GLT1D1: variants seen among roughly 807,000 people sequenced by gnomAD.
GLT1D1 encodes glycosyltransferase 1 domain-containing protein 1.
In GLT1D1, 21 loss-of-function variants were observed where a neutral mutation model predicts 28.7. The ratio of observed to expected loss-of-function variants is 0.73; its 90% CI spans 0.52 to 1.05. GLT1D1 has a LOEUF of 1.05. Ranked by LOEUF, GLT1D1 falls within the 50% of genes least tolerant of loss-of-function variation. The pLI is 0.00. For synonymous variants in GLT1D1, 147 were observed against 124.8 expected (o/e 1.18, Z -1.19); for missense variants, 343 against 330.6 (o/e 1.04, Z -0.29).
rs574855046 is a variant in GLT1D1 at position 128,870,458 on chromosome 12, G to C, written c.69-5456G>C. Among the ~76,000 whole-genome samples the C allele has an allele frequency of 8.9e-4, 135 of 152,188 alleles. No individual in the cohort carries two copies. The Middle Eastern group carries it at 0.01, about 12-fold the overall frequency. On this transcript the variant is annotated intron_variant, in intron 1 of 7. Transcript: ENST00000281703. ...CAAAATCTCTATGGGAGATGCTTTT[G>C]TTTTCAAGAAAGCCTTTTTAAATCA...
intron 1 of GLT1D1, among the ~76,000 whole-genome samples, chr12:128,870,669 C>A (rs1056433644): frequency 6.6e-6 from 1 of 152,002 alleles, no homozygotes; most frequent in African/African-American, 2.4e-5. Flanking sequence ...TATGAGATTG[C>A]AAAGTTAGTG....
At chr12:128,965,289 A>C (rs1878340658) in intron 7 of GLT1D1, among the ~76,000 whole-genome samples, 1 of 152,158 alleles carries the variant, frequency 6.6e-6, no homozygotes, top group South Asian at 2.1e-4. Flanking sequence ...AGCCTCTAGG[A>C]GCTGGGGGCG....
chr12:128,980,125 C>G (rs1264356555), intron 7 of GLT1D1, among the ~76,000 whole-genome samples: 1 of 152,232 alleles, frequency 6.6e-6, no homozygotes, highest in Non-Finnish European at 1.5e-5. Context: ...AGATGAAGTC[C>G]TGTGTGACAC....
intron 1 of GLT1D1, among the ~76,000 whole-genome samples, chr12:128,872,244 G>A (rs892415930): frequency 1.3e-5 from 2 of 152,080 alleles, no homozygotes; most frequent in South Asian, 2.1e-4. Context: ...GCGCCTGGCC[G>A]ATTCAAGGGT....
chr12:128,934,490 G>A (rs932521494), intron 4 of GLT1D1, among the ~76,000 whole-genome samples: 3 of 152,128 alleles, frequency 2.0e-5, no homozygotes, highest in Non-Finnish European at 4.4e-5. Flanking sequence ...CACTGCGCCC[G>A]GCCAGCTCAG....
chr12:128,945,217 C>T (rs554990868), intron 4 of GLT1D1, 109 bp from the exon 9 acceptor site: 35 of 1,137,812 alleles, frequency 3.1e-5, no homozygotes, highest in East Asian at 2.1e-4. Flanking sequence ...GGCCGCAGAC[C>T]GAGGCCCACG....
At chr12:128,980,984 A>T (rs1880263526) in intron 7 of GLT1D1, among the ~76,000 whole-genome samples, 1 of 152,230 alleles carries the variant, frequency 6.6e-6, no homozygotes, top group South Asian at 2.1e-4. Context: ...TCTCACGTCT[A>T]CAGGCGCGTG....
At chr12:128,897,835 A>AT (rs776568897) in intron 3 of GLT1D1, among the ~76,000 whole-genome samples, 3 of 151,536 alleles carry the variant, frequency 2.0e-5, no homozygotes, top group Non-Finnish European at 2.9e-5. Context: ...TGCCCGGCTA[A>AT]TTTTTTGTAT....
chr12:128,954,484 G>A (rs1456085991), intron 6 of GLT1D1, among the ~76,000 whole-genome samples: 1 of 152,036 alleles, frequency 6.6e-6, no homozygotes, highest in Non-Finnish European at 1.5e-5. Flanking sequence ...TGGTTCTAAG[G>A]TCACCTGTTT....
chr12:128,930,673 T>C (rs764994401), intron 4 of GLT1D1, among the ~76,000 whole-genome samples: 21 of 152,118 alleles, frequency 1.4e-4, no homozygotes, highest in Non-Finnish European at 2.5e-4. Context: ...AGGAAGCTGG[T>C]ACGGGGGGCA....
chr12:128,930,686 C>T (rs1277471431), intron 4 of GLT1D1, among the ~76,000 whole-genome samples: 1 of 152,112 alleles, frequency 6.6e-6, no homozygotes, highest in Admixed American at 6.5e-5. Flanking sequence ...GGGGGGCAAA[C>T]GCAGGGGCAC....
At chr12:128,952,543 C>T (rs570320373) in intron 6 of GLT1D1, among the ~76,000 whole-genome samples, 1 of 151,452 alleles carries the variant, frequency 6.6e-6, no homozygotes, top group Admixed American at 6.6e-5. Context: ...CTCGGCTCAC[C>T]CCAACCTCCA....
chr12:128,977,095 G>A (rs751432361), intron 7 of GLT1D1, among the ~76,000 whole-genome samples: 22 of 152,198 alleles, frequency 1.4e-4, no homozygotes, highest in Admixed American at 9.8e-4. Context: ...GCAGTGAGCC[G>A]AGATCGCGCC....
chr12:128,871,134 C>A (rs1956676307), intron 1 of GLT1D1, among the ~76,000 whole-genome samples: 1 of 152,222 alleles, frequency 6.6e-6, no homozygotes. Context: ...TAGAATTCAG[C>A]CCCTTTTCCA....
intron 4 of GLT1D1, among the ~76,000 whole-genome samples, chr12:128,924,570 C>T (rs971052461): frequency 6.6e-5 from 10 of 152,026 alleles, no homozygotes; most frequent in Non-Finnish European, 1.0e-4. Context: ...GATTCTCCTG[C>T]CTCAGCCTCC....
rs113072868 is a variant in GLT1D1, at chr12:128,873,637, A to G, written c.69-2277A>G. On this transcript the variant is annotated intron_variant, in intron 1 of 7. Coordinates refer to ENST00000281703, the MANE Select transcript of GLT1D1 (RefSeq NM_144669.3). ...AGGTTGTACCAATTTGCTCTCTCAC[A>G]GATAATGTATAGGAGTGTTTATTTC... Among the ~76,000 whole-genome samples, 812 of 152,320 alleles carry G rather than the reference A, an allele frequency of 5.3e-3. 4 individuals carry two copies. The highest frequency in any genetic ancestry group is 0.018 in the African/African-American group (766 of 41,564).
chr12:128,911,041 T>C (rs1039407774), intron 4 of GLT1D1, among the ~76,000 whole-genome samples: 17 of 152,246 alleles, frequency 1.1e-4, no homozygotes, highest in African/African-American at 4.1e-4. Flanking sequence ...GCGATTGTCC[T>C]GCCTCAGCCT....
At chr12:128,962,644 G>A (rs755776762) in intron 7 of GLT1D1, among the ~76,000 whole-genome samples, 4 of 152,192 alleles carry the variant, frequency 2.6e-5, no homozygotes, top group Admixed American at 6.5e-5. Flanking sequence ...GCTGAAAGTC[G>A]ATTCTTATGT....
intron 1 of GLT1D1, among the ~76,000 whole-genome samples, chr12:128,863,455 C>T (rs946040455): frequency 6.6e-6 from 1 of 152,120 alleles, no homozygotes; most frequent in Admixed American, 6.6e-5. Context: ...TCACTGCAAC[C>T]TCTGCCTCCT....
Sources: allele counts gnomAD v4.1 joint callset (sites outside exome capture counted in the v4.1 genomes callset), GRCh38; gene constraint gnomAD v4.1.1; transcripts MANE v1.5; gene names NCBI Gene and HGNC (gene_info 2026-07-23, HGNC 2026-07-21).